GRM5: variants seen among roughly 807,000 people sequenced by gnomAD.
GRM5 encodes metabotropic glutamate receptor 5.
A neutral mutation model predicts 83.1 loss-of-function variants in GRM5; 19 were observed. The ratio of observed to expected loss-of-function variants is 0.23; its 90% CI spans 0.16 to 0.34. The LOEUF is 0.34. Among genes scored for constraint, GRM5 ranks in the 10% least tolerant of loss-of-function variants. The pLI is 1.00. For synonymous variants in GRM5, 675 were observed against 633.6 expected (o/e 1.07, Z -0.98); for missense variants, 1,160 against 1,588.3 (o/e 0.73, Z 4.58).
At chr11:89,020,549 A>C (rs1312411015) in intron 2 of GRM5, among the ~76,000 whole-genome samples, 2 of 152,190 alleles carry the variant, frequency 1.3e-5, no homozygotes, top group Non-Finnish European at 2.9e-5. Flanking sequence ...AACAAGCCAA[A>C]TTATGGCCAT....
Position 88,991,296 on chromosome 11 carries a change from A to G in GRM5, c.661+55916T>C, listed in dbSNP as rs1317287373. Among the ~76,000 whole-genome samples the G allele has an allele frequency of 1.1e-4, 16 of 152,246 alleles. No homozygotes were observed. The East Asian group carries it at 2.9e-3, about 28-fold the overall frequency. On this transcript the variant is annotated intron_variant, in intron 2 of 9. Coordinates refer to ENST00000305447, the MANE Select transcript of GRM5 (RefSeq NM_001143831.3). ...AAAGGAATAAAATACCTAGGAATCC[A>G]ACTTACAAGGGATGTGAAGGACCTC...
chr11:88,971,684 T>C (rs1198020379), intron 2 of GRM5, among the ~76,000 whole-genome samples: 1 of 152,162 alleles, frequency 6.6e-6, no homozygotes, highest in Non-Finnish European at 1.5e-5. Context: ...AGTTTATTGT[T>C]AATGGGCATT....
At chr11:88,759,102 C>T (rs1942456588) in intron 3 of GRM5, among the ~76,000 whole-genome samples, 1 of 152,042 alleles carries the variant, frequency 6.6e-6, no homozygotes, top group East Asian at 1.9e-4. Flanking sequence ...AGAACGGAAA[C>T]ATCATTACCA....
At chr11:88,782,304 C>T (rs552612086) in intron 3 of GRM5, among the ~76,000 whole-genome samples, 7 of 152,238 alleles carry the variant, frequency 4.6e-5, no homozygotes, top group South Asian at 2.1e-4. Context: ...TACAGTTCCA[C>T]GTGTCTAGGG....
At chr11:88,830,576 G>A (rs1943971708) in intron 3 of GRM5, among the ~76,000 whole-genome samples, 1 of 152,160 alleles carries the variant, frequency 6.6e-6, no homozygotes, top group African/African-American at 2.4e-5. Flanking sequence ...TTCCCAATGT[G>A]GGGAAAGAGT....
At chr11:88,705,122 A>G (rs570022364) in intron 3 of GRM5, among the ~76,000 whole-genome samples, 1 of 152,208 alleles carries the variant, frequency 6.6e-6, no homozygotes, top group South Asian at 2.1e-4. Flanking sequence ...AATTACCCAT[A>G]TCATAAAAGA....
At chr11:88,529,843 AC>A (rs1205828282) in intron 8 of GRM5, among the ~76,000 whole-genome samples, 1 of 151,964 alleles carries the variant, frequency 6.6e-6, no homozygotes, top group African/African-American at 2.4e-5. Flanking sequence ...ATAGAATGAT[AC>A]CCCAGTTACT....
intron 2 of GRM5, among the ~76,000 whole-genome samples, chr11:88,952,056 C>T (rs1946069213): frequency 6.6e-6 from 1 of 152,026 alleles, no homozygotes; most frequent in Non-Finnish European, 1.5e-5. Context: ...AACTCATGTC[C>T]CAGCCAACTT....
At chr11:88,878,723 G>T (rs540996069) in intron 2 of GRM5, among the ~76,000 whole-genome samples, 1 of 152,250 alleles carries the variant, frequency 6.6e-6, no homozygotes, top group South Asian at 2.1e-4. Flanking sequence ...ACGAAGTGTA[G>T]TTCATCCATA....
intron 3 of GRM5, among the ~76,000 whole-genome samples, chr11:88,803,100 G>C (rs1040965535): frequency 6.9e-6 from 1 of 145,434 alleles, no homozygotes; most frequent in Non-Finnish European, 1.5e-5. Flanking sequence ...CATGAAAATG[G>C]CCATACTGCC....
intron 5 of GRM5, among the ~76,000 whole-genome samples, chr11:88,600,822 A>C (rs1937966204): frequency 6.6e-6 from 1 of 152,198 alleles, no homozygotes; most frequent in African/African-American, 2.4e-5. Flanking sequence ...AGGCTCTTTC[A>C]ATCTATAATT....
chr11:88,794,728 C>A (rs1039501603), intron 3 of GRM5, among the ~76,000 whole-genome samples: 1 of 152,062 alleles, frequency 6.6e-6, no homozygotes, highest in African/African-American at 2.4e-5. Context: ...TGATGATGAA[C>A]GAGTGTTAAG....
At chr11:89,034,059 G>A (rs930230255) in intron 2 of GRM5, among the ~76,000 whole-genome samples, 212 of 142,624 alleles carry the variant, frequency 1.5e-3, no homozygotes, top group African/African-American at 4.9e-3. Flanking sequence ...TTATGAGGTC[G>A]AATAGTCCTA....
chr11:88,630,299 T>C (rs528987511), intron 4 of GRM5, among the ~76,000 whole-genome samples: 1 of 152,310 alleles, frequency 6.6e-6, no homozygotes, highest in South Asian at 2.1e-4. Context: ...AATTTTTGTC[T>C]GTTTTGTTTA....
At chr11:88,968,548 G>A (rs1000570421) in intron 2 of GRM5, among the ~76,000 whole-genome samples, 1 of 152,046 alleles carries the variant, frequency 6.6e-6, no homozygotes, top group African/African-American at 2.4e-5. Context: ...ACTTAGCTGG[G>A]TGTGGTGACT....
rs191347992 is a variant in GRM5, at chr11:89,038,930, T to A, written c.661+8282A>T. 1.6e-3 allele frequency among the ~76,000 whole-genome samples: 248 copies of A among 152,298 alleles called. 3 individuals carry two copies. The highest frequency in any genetic ancestry group is 0.014 in the Middle Eastern group (4 of 294). On this transcript the variant is annotated intron_variant, in intron 2 of 9. Transcript: ENST00000305447. ...CCATTCTACTAAAATGGTTACCTTA[T>A]CAGACTGTGTTATGAAATAAACAAA...
chr11:88,625,437 T>C (rs912644864), intron 4 of GRM5, among the ~76,000 whole-genome samples: 2 of 152,170 alleles, frequency 1.3e-5, no homozygotes, highest in African/African-American at 2.4e-5. Flanking sequence ...AGAGTAATTT[T>C]TTCTAAGGAA....
chr11:88,691,155 A>T lies in GRM5; in HGVS notation c.912-37752T>A, dbSNP rs575137281. 2.0e-5 allele frequency among the ~76,000 whole-genome samples: 3 copies of T among 152,340 alleles called. No homozygotes were observed. In the South Asian group the frequency reaches 6.2e-4, roughly 32 times the overall value. ...GGCTGGATGAGGAGAGCAGCACAAAAGGTGGTGTAGGAAAGGATAGTATAT... is the reference window on the plus strand; with the variant it reads ...GGCTGGATGAGGAGAGCAGCACAAATGGTGGTGTAGGAAAGGATAGTATAT... On this transcript the variant is annotated intron_variant, in intron 3 of 9. Transcript: ENST00000305447.
intron 7 of GRM5, among the ~76,000 whole-genome samples, chr11:88,585,863 C>T (rs749483644): frequency 1.3e-5 from 2 of 152,102 alleles, no homozygotes; most frequent in Non-Finnish European, 2.9e-5. Flanking sequence ...TGCTTGCTGT[C>T]CTCAATGAAA....
Sources: allele counts gnomAD v4.1 joint callset (sites outside exome capture counted in the v4.1 genomes callset), GRCh38; gene constraint gnomAD v4.1.1; transcripts MANE v1.5; gene names NCBI Gene and HGNC (gene_info 2026-07-23, HGNC 2026-07-21).